PGLYRP1: variants seen among roughly 807,000 people sequenced by gnomAD.
PGLYRP1 encodes the protein peptidoglycan recognition protein 1, also known as TNF superfamily, member 3 (LTB)-like (peptidoglycan recognition protein).
PGLYRP1 carries 18 observed loss-of-function variants against 16.3 expected under a neutral mutation model. That is an observed-to-expected ratio of 1.11 (90% CI 0.77 to 1.64). The LOEUF is 1.64. Among genes scored for constraint, PGLYRP1 ranks in the 40% most tolerant of loss-of-function variants. The probability of loss-of-function intolerance (pLI) is 0.00; values close to 1 mark genes in which losing one functional copy is unlikely to be tolerated. For missense variants in PGLYRP1, 261 were observed against 268.6 expected, an observed-to-expected ratio of 0.97 and a Z score of 0.20; for synonymous variants, 89 against 105.7, an observed-to-expected ratio of 0.84 and a Z score of 0.97.
intron 1 of PGLYRP1, 60 bp downstream of exon 1, chr19:46,022,675 A>C: frequency 6.3e-7 from 1 of 1,592,346 alleles, no homozygotes; most frequent in Admixed American, 1.7e-5. Flanking sequence ...GCTGGCGGGC[A>C]CTTGCACACC....
intron 1 of PGLYRP1, among the ~76,000 whole-genome samples, chr19:46,020,774 G>A (rs531949985): frequency 6.6e-6 from 1 of 152,356 alleles, no homozygotes; most frequent in East Asian, 1.9e-4. Flanking sequence ...CGCGCTCACA[G>A]TGTCATTAAT....
At position 46,019,568 on chromosome 19, in the gene PGLYRP1, T is replaced by TC; in HGVS notation, c.366dup (p.Asn123GlufsTer79). 10 of 1,614,018 alleles carry TC rather than the reference T, an allele frequency of 6.2e-6. No individual in the cohort carries two copies. Among genetic ancestry groups the TC allele is most frequent in the Non-Finnish European group, 8.5e-6 (10 of 1,179,956 alleles). ...AAGCTGATGCCAATGGACATGGGGT[T>TC]CCATAAGTGACCTGAGTGGGCACCC... On this transcript the variant is annotated frameshift_variant, in exon 2 of 3. Transcript: ENST00000008938. LOFTEE classifies it low-confidence loss of function (END_TRUNC). The surrounding 1 kb of genome is among the most constrained non-coding windows in gnomAD (Gnocchi z 4.8).
Position 46,019,402 on chromosome 19 carries a change from G to A in PGLYRP1, c.427C>T (p.Gln143Ter), listed in dbSNP as rs1208320451. The change falls in exon 3 of 3, where the codon CAG becomes TAG. Residue 143 changes from glutamine to a stop codon, truncating the protein, a stop_gained. Coordinates refer to ENST00000008938, the MANE Select transcript of PGLYRP1 (RefSeq NM_005091.3). LOFTEE classifies it low-confidence loss of function (END_TRUNC). This position sits in a 1 kb window ranked among gnomAD's most constrained non-coding sequence, Gnocchi z 4.8. ...GNYMDRVPTP[Q>*]AIRAAQGLLA... ...AGACCCTGGGCTGCCCGGATGGCCT[G>A]GGGTGTGGGCACCCGATCTGGAGGA... 6.2e-7 allele frequency: 1 copy of A among 1,613,548 alleles called. No individual in the cohort carries two copies. Among genetic ancestry groups the A allele is most frequent in the Middle Eastern group, 1.7e-4 (1 of 6,058 alleles).
rs1158106924 is a variant in PGLYRP1, at chr19:46,019,738, C to T, written c.288-91G>A. 7.3e-7 allele frequency: 1 copy of T among 1,368,552 alleles called. No individual in the cohort carries two copies. The highest frequency in any genetic ancestry group is 1.0e-6 in the Non-Finnish European group (1 of 1,004,818). The allele number at this position is 1,368,552 out of a possible 1,614,324, so 84.8% of individuals were successfully genotyped here. On this transcript the variant is annotated intron_variant, in intron 1 of 2. Coordinates refer to ENST00000008938, the MANE Select transcript of PGLYRP1 (RefSeq NM_005091.3). The surrounding 1 kb of genome is among the most constrained non-coding windows in gnomAD (Gnocchi z 4.8). ...TCCTCCACTCACCCTGCCTCCGTTA[C>T]TGCCGTGGTGCACACAACTTCCCCA...
chr19:46,019,488 T>C lies in PGLYRP1; in HGVS notation c.409+38A>G. ...GGGGAAGTGATAGCGTAGGGCCCCG[T>C]GTCAGCCCCCATCCCAACTGGCTGG... On this transcript the variant is annotated intron_variant, in intron 2 of 2. Coordinates refer to ENST00000008938, the MANE Select transcript of PGLYRP1 (RefSeq NM_005091.3). This position sits in a 1 kb window ranked among gnomAD's most constrained non-coding sequence, Gnocchi z 4.8. 6.2e-7 allele frequency: 1 copy of C among 1,613,052 alleles called. No individual in the cohort carries two copies.
At chr19:46,020,008 C>A (rs1330077475) in intron 1 of PGLYRP1, among the ~76,000 whole-genome samples, 1 of 152,156 alleles carries the variant, frequency 6.6e-6, no homozygotes, top group Non-Finnish European at 1.5e-5. Context: ...GGTCCCCACC[C>A]ATGTGATCTT....
At chr19:46,022,600 G>A in intron 1 of PGLYRP1, 135 bp downstream of exon 1, 1 of 943,168 alleles carries the variant, frequency 1.1e-6, no homozygotes, top group Non-Finnish European at 1.6e-6. Context: ...ATGACCTTGT[G>A]AGGTTCAGTA....
Position 46,019,738 on chromosome 19 carries a change from C to G in PGLYRP1, c.288-91G>C. The G allele has an allele frequency of 1.5e-6, 2 of 1,368,556 alleles. No individual in the cohort carries two copies. The highest frequency in any genetic ancestry group is 2.0e-6 in the Non-Finnish European group (2 of 1,004,822). The allele number at this position is 1,368,556 out of a possible 1,614,324, so 84.8% of individuals were successfully genotyped here. ...TCCTCCACTCACCCTGCCTCCGTTA[C>G]TGCCGTGGTGCACACAACTTCCCCA... is the stretch of plus-strand genomic sequence containing the variant. On this transcript the variant is annotated intron_variant, in intron 1 of 2. Coordinates refer to ENST00000008938, the MANE Select transcript of PGLYRP1 (RefSeq NM_005091.3). The surrounding 1 kb of genome is among the most constrained non-coding windows in gnomAD (Gnocchi z 4.8).
chr19:46,019,676 A>C lies in PGLYRP1; in HGVS notation c.288-29T>G. ...CATGGGGAGGTGGGGGGGCTTGATG[A>C]GTGAGGGAGGGTTTCCCGAGGAGGA... On this transcript the variant is annotated intron_variant, in intron 1 of 2. Transcript: ENST00000008938. This position sits in a 1 kb window ranked among gnomAD's most constrained non-coding sequence, Gnocchi z 4.8. 1 of 1,603,744 alleles carries C rather than the reference A, an allele frequency of 6.2e-7. No homozygotes were observed. The highest frequency in any genetic ancestry group is 1.1e-5 in the South Asian group (1 of 90,586).
intron 1 of PGLYRP1, among the ~76,000 whole-genome samples, chr19:46,020,376 C>G (rs991019516): frequency 1.3e-5 from 2 of 152,180 alleles, no homozygotes; most frequent in Admixed American, 1.3e-4. Flanking sequence ...TCCCAAAGTG[C>G]TGGGATTACA....
At chr19:46,020,121 T>G (rs896369303) in intron 1 of PGLYRP1, among the ~76,000 whole-genome samples, 2 of 151,686 alleles carry the variant, frequency 1.3e-5, no homozygotes, top group Admixed American at 6.6e-5. Context: ...TTTTTTTTTT[T>G]TTTTAAGACG....
chr19:46,019,651 C>A lies in PGLYRP1; in HGVS notation c.288-4G>T. On this transcript the variant is annotated splice_polypyrimidine_tract_variant and splice_region_variant and intron_variant, in intron 1 of 2. Transcript: ENST00000008938. This position sits in a 1 kb window ranked among gnomAD's most constrained non-coding sequence, Gnocchi z 4.8. ...CCCGTCTTCTCCAATCAGGAAGCTG[C>A]ATGGGGAGGTGGGGGGGCTTGATGA... The A allele has an allele frequency of 1.2e-6, 2 of 1,612,322 alleles. No individual in the cohort carries two copies. The highest frequency in any genetic ancestry group is 1.7e-6 in the Non-Finnish European group (2 of 1,179,696).
At position 46,022,888 on chromosome 19, in the gene PGLYRP1, T is replaced by G; in HGVS notation, c.134A>C (p.Glu45Ala). The G allele has an allele frequency of 6.2e-7, 1 of 1,613,340 alleles. No individual in the cohort carries two copies. Among genetic ancestry groups the G allele is most frequent in the Non-Finnish European group, 8.5e-7 (1 of 1,179,686 alleles). ...GGGCAGGCTCAGGTGCTGGGCGCAC[T>G]CTGATGCCAGGGCCTTCCACTCGTT... ...PRNEWKALAS[E>A]CAQHLSLPLR... Residue 45 changes from glutamate (E) to alanine (A), a missense_variant, in exon 1 of 3, where the codon GAG becomes GCG. Physicochemically the swap from Glu to Ala is moderately radical, Grantham distance 107. Coordinates refer to ENST00000008938, the MANE Select transcript of PGLYRP1 (RefSeq NM_005091.3).
chr19:46,021,033 A>G (rs1233688026), intron 1 of PGLYRP1: 1 of 152,100 alleles, frequency 6.6e-6, no homozygotes, highest in Admixed American at 6.6e-5. Flanking sequence ...TCTCATTGAA[A>G]CCTCAGCCAC....
Position 46,022,804 on chromosome 19 carries a change from C to G in PGLYRP1, c.218G>C (p.Cys73Ser). 1 of 1,614,104 alleles carries G rather than the reference C, an allele frequency of 6.2e-7. No individual in the cohort carries two copies. Among genetic ancestry groups the G allele is most frequent in the Non-Finnish European group, 8.5e-7 (1 of 1,179,988 alleles). ...CTGCACATTCCGGGCCTGCTGCTGG[C>G]ACGAGGCGGGGGTGTTGCAGCTGCT... is the stretch of plus-strand genomic sequence containing the variant. Reference protein sequence around the residue: ...AGSSCNTPASCQQQARNVQHY... With the variant: ...AGSSCNTPASSQQQARNVQHY... The change falls in exon 1 of 3, where the codon TGC (cysteine) becomes TCC (serine). Residue 73 changes from cysteine (C) to serine (S), a missense_variant. Transcript: ENST00000008938.
At chr19:46,022,026 C>G (rs1969049888) in intron 1 of PGLYRP1, among the ~76,000 whole-genome samples, 2 of 151,940 alleles carry the variant, frequency 1.3e-5, no homozygotes, top group Non-Finnish European at 2.9e-5. Context: ...CCTCCCTCAC[C>G]TCTTTCCTTT....
chr19:46,019,205 G>A lies in PGLYRP1; in HGVS notation c.*33C>T, dbSNP rs1401482245. On this transcript the variant is annotated 3_prime_UTR_variant, in exon 3 of 3. Coordinates refer to ENST00000008938, the MANE Select transcript of PGLYRP1 (RefSeq NM_005091.3). The surrounding 1 kb of genome is among the most constrained non-coding windows in gnomAD (Gnocchi z 4.8). ...GAGACAGTGGGGTTTTTGGCCATGG[G>A]AGGGGAGGAATGGGGTGCGGATCAG... 1.2e-6 allele frequency: 2 copies of A among 1,601,968 alleles called. No individual in the cohort carries two copies. The highest frequency in any genetic ancestry group is 1.7e-6 in the Non-Finnish European group (2 of 1,169,884).
chr19:46,021,868 C>T (rs1350771782), intron 1 of PGLYRP1, among the ~76,000 whole-genome samples: 3 of 152,160 alleles, frequency 2.0e-5, no homozygotes, highest in Non-Finnish European at 4.4e-5. Flanking sequence ...CACTCAACCC[C>T]GTTGGCTTTG....
rs1217471223 is a variant in PGLYRP1 at position 46,019,692 on chromosome 19, C to T, written c.288-45G>A. On this transcript the variant is annotated intron_variant, in intron 1 of 2. Coordinates refer to ENST00000008938, the MANE Select transcript of PGLYRP1 (RefSeq NM_005091.3). This position sits in a 1 kb window ranked among gnomAD's most constrained non-coding sequence, Gnocchi z 4.8. Reference sequence around the variant, plus strand: ...GGCTTGATGAGTGAGGGAGGGTTTCCCGAGGAGGACTCCTCCTCCTTCCTC... The same window carrying T: ...GGCTTGATGAGTGAGGGAGGGTTTCTCGAGGAGGACTCCTCCTCCTTCCTC... 5.0e-6 allele frequency: 8 copies of T among 1,587,016 alleles called. No homozygotes were observed. Among genetic ancestry groups the T allele is most frequent in the Admixed American group, 1.7e-5 (1 of 58,274 alleles).
Sources: gnomAD v4.1 joint callset for allele counts (sites outside exome capture counted in the v4.1 genomes callset) on GRCh38, gnomAD v4.1.1 for gene constraint, Gnocchi (gnomAD v3.1) non-coding constraint, MANE v1.5 for transcripts, NCBI Gene and HGNC (gene_info 2026-07-23, HGNC 2026-07-21) for gene names.